TULP4: variants seen among roughly 807,000 people sequenced by gnomAD.
TULP4 encodes TUB like protein 4.
Under a neutral mutation model 129.0 loss-of-function variants are expected in TULP4, and 16 were observed. The observed-to-expected ratio is 0.12, with a 90% CI of 0.08 to 0.19. TULP4 has a LOEUF of 0.19. TULP4 is among the 10% of genes least tolerant of loss of function. The pLI is 1.00. For synonymous variants in TULP4, 998 were observed against 854.0 expected (o/e 1.17, Z -2.94); for missense variants, 1,842 against 2,059.1 (o/e 0.89, Z 2.04).
At chr6:158,425,537 T>G (rs2795844) in intron 2 of TULP4, among the ~76,000 whole-genome samples, 11 of 65,570 alleles carry the variant, frequency 1.7e-4, no homozygotes, top group Non-Finnish European at 2.2e-4. Flanking sequence ...AAAAAAAAAA[T>G]GGCAGCCGAC....
At position 158,413,474 on chromosome 6, in the gene TULP4, G is replaced by A. The variant is rs139177246; in HGVS notation, c.381+281G>A. ...CTGTGAAGTCATTTTTTACCCTTCA[G>A]TGTTGTGATTCCATGTTAAATTTGG... is the stretch of plus-strand genomic sequence containing the variant. On this transcript the variant is annotated intron_variant, in intron 2 of 13. Coordinates refer to ENST00000367097, the MANE Select transcript of TULP4 (RefSeq NM_020245.5). This position sits in a 1 kb window ranked among gnomAD's most constrained non-coding sequence, Gnocchi z 4.9. Among the ~76,000 whole-genome samples, 268 of 152,292 alleles carry A rather than the reference G, an allele frequency of 1.8e-3. 2 individuals carry two copies. Among genetic ancestry groups the A allele is most frequent in the African/African-American group, 6.0e-3 (250 of 41,546 alleles).
At chr6:158,331,720 C>CGTGTATATAT (rs1388649023) in intron 1 of TULP4, among the ~76,000 whole-genome samples, 2 of 48,176 alleles carry the variant, frequency 4.2e-5, no homozygotes, top group Admixed American at 3.0e-4. Flanking sequence ...CACACACACA[C>CGTGTATATAT]ACACACACAT....
intron 1 of TULP4, among the ~76,000 whole-genome samples, chr6:158,332,178 AAAAAAAAAAAAAAAAAAAAAAAATAT>A (rs1484142827): frequency 9.5e-5 from 6 of 63,004 alleles, no homozygotes; most frequent in Admixed American, 4.5e-4. Context: ...TCAAAAAAAA[AAAAAAAAAAAAAAAAAAAAAAAATAT>A]ATATATATAT....
chr6:158,242,176 G>T, intron 1 of TULP4: 2 of 1,207,696 alleles, frequency 1.7e-6, no homozygotes, highest in South Asian at 1.2e-5. Context: ...GTCTTCCTCA[G>T]TCTCATCAGT....
intron 1 of TULP4, among the ~76,000 whole-genome samples, chr6:158,261,126 G>A (rs1249655364): frequency 6.6e-6 from 1 of 152,264 alleles, no homozygotes. Flanking sequence ...GCTGAAAAGT[G>A]TATTTCTAGA....
chr6:158,364,560 A>C (rs1179531947), intron 1 of TULP4, among the ~76,000 whole-genome samples: 1 of 152,098 alleles, frequency 6.6e-6, no homozygotes, highest in Admixed American at 6.5e-5. Context: ...TTTGTCTTAG[A>C]ACTTTGAAAA....
At chr6:158,315,650 C>T (rs186529247) in intron 1 of TULP4, among the ~76,000 whole-genome samples, 41 of 152,298 alleles carry the variant, frequency 2.7e-4, no homozygotes, top group African/African-American at 9.4e-4. Flanking sequence ...GCTGCTGAAA[C>T]AAAATATCTT....
chr6:158,390,384 AAG>A lies in TULP4; in HGVS notation c.253-22678_253-22677del, dbSNP rs1337497173. Among the ~76,000 whole-genome samples, 7 of 152,170 alleles carry A rather than the reference AAG, an allele frequency of 4.6e-5. No individual in the cohort carries two copies. The South Asian group carries it at 8.3e-4, about 18-fold the overall frequency. On this transcript the variant is annotated intron_variant, in intron 1 of 13. Transcript: ENST00000367097. Reference sequence around the variant, plus strand: ...GCAGATCTTAAAAAAAAAAAAGAAAAAGAGTGTTATTCAGATGAATGGATATA... The same window carrying A: ...GCAGATCTTAAAAAAAAAAAAGAAAAAGTGTTATTCAGATGAATGGATATA...
chr6:158,380,266 G>A (rs1777290549), intron 1 of TULP4, among the ~76,000 whole-genome samples: 2 of 152,120 alleles, frequency 1.3e-5, no homozygotes, highest in East Asian at 1.9e-4. Context: ...CAAGAACTAC[G>A]GACAGCCCCT....
At chr6:158,395,216 T>C (rs1165743413) in intron 1 of TULP4, among the ~76,000 whole-genome samples, 1 of 152,290 alleles carries the variant, frequency 6.6e-6, no homozygotes, top group East Asian at 1.9e-4. Flanking sequence ...CATGTTTCCC[T>C]GGGTTGATCT....
At chr6:158,307,583 T>C (rs1338328567), upstream of TULP4, among the ~76,000 whole-genome samples, 1 of 152,114 alleles carries the variant, frequency 6.6e-6, no homozygotes, top group Non-Finnish European at 1.5e-5. Flanking sequence ...CTGGGTTCAA[T>C]TGATTGTCCT....
intron 1 of TULP4, among the ~76,000 whole-genome samples, chr6:158,343,789 A>G (rs1291169390): frequency 6.6e-6 from 1 of 152,256 alleles, no homozygotes; most frequent in Non-Finnish European, 1.5e-5. Flanking sequence ...AAATACTTTT[A>G]AAAAATCTAT....
intron 1 of TULP4, among the ~76,000 whole-genome samples, chr6:158,318,568 C>A (rs1190253005): frequency 6.6e-6 from 1 of 152,166 alleles, no homozygotes; most frequent in Non-Finnish European, 1.5e-5. Flanking sequence ...GTTAAATAAC[C>A]TGCCTAAATT....
At chr6:158,419,211 A>G (rs1326623869) in intron 2 of TULP4, among the ~76,000 whole-genome samples, 1 of 152,224 alleles carries the variant, frequency 6.6e-6, no homozygotes, top group Non-Finnish European at 1.5e-5. Context: ...TGATAGAGAC[A>G]TTGCTGATAA....
intron 5 of TULP4, among the ~76,000 whole-genome samples, chr6:158,453,241 G>A (rs986813573): frequency 1.3e-5 from 2 of 152,048 alleles, no homozygotes; most frequent in Admixed American, 1.3e-4. Context: ...GCCAAGGCAG[G>A]TGGATCACAA....
In TULP4 at chr6:158,503,779, C is replaced by T. The variant is rs768772992; in HGVS notation, c.4116C>T (p.Ile1372=). The T allele has an allele frequency of 6.2e-7, 1 of 1,614,134 alleles. No homozygotes were observed. The highest frequency in any genetic ancestry group is 8.5e-7 in the Non-Finnish European group (1 of 1,180,036). The change falls in exon 13 of 14, where the codon ATC becomes ATT. Residue 1372 remains isoleucine (I), a synonymous_variant. Coordinates refer to ENST00000367097, the MANE Select transcript of TULP4 (RefSeq NM_020245.5). The surrounding 1 kb of genome is among the most constrained non-coding windows in gnomAD (Gnocchi z 4.3). ...CTTTGAGTGACTTTAATTCCCTAATCTCCAGCCCACACCTGGGGAGAGAGA... is the reference window on the plus strand; with the variant it reads ...CTTTGAGTGACTTTAATTCCCTAATTTCCAGCCCACACCTGGGGAGAGAGA... ...ARTLSDFNSL[I]SSPHLGREKK...
At chr6:158,335,556 TC>T (rs1463332580) in intron 1 of TULP4, among the ~76,000 whole-genome samples, 1 of 152,200 alleles carries the variant, frequency 6.6e-6, no homozygotes, top group African/African-American at 2.4e-5. Context: ...CATTCATCCC[TC>T]CCACTTCATC....
chr6:158,262,201 C>T (rs572599016), intron 1 of TULP4, among the ~76,000 whole-genome samples: 138 of 152,322 alleles, frequency 9.1e-4, no homozygotes, highest in Non-Finnish European at 1.5e-3. Flanking sequence ...TCCCTGAAGG[C>T]ACCTGCTGTC....
Position 158,424,397 on chromosome 6 carries a change from G to A in TULP4, c.382-5339G>A, listed in dbSNP as rs1055684031. 5.3e-5 allele frequency among the ~76,000 whole-genome samples: 8 copies of A among 151,958 alleles called. No individual in the cohort carries two copies. The South Asian group carries it at 6.3e-4, about 12-fold the overall frequency. On this transcript the variant is annotated intron_variant, in intron 2 of 13. Coordinates refer to ENST00000367097, the MANE Select transcript of TULP4 (RefSeq NM_020245.5). The stretch of plus-strand genomic sequence containing the variant: ...CCTGAGTAGCTGGGACTACAGATGC[G>A]CACTACCACACCTGGCTAATTTTTG...
Sources: gnomAD v4.1 joint callset for allele counts (sites outside exome capture counted in the v4.1 genomes callset) on GRCh38, gnomAD v4.1.1 for gene constraint, Gnocchi (gnomAD v3.1) non-coding constraint, MANE v1.5 for transcripts, NCBI Gene and HGNC (gene_info 2026-07-23, HGNC 2026-07-21) for gene names.